ARHGAP21: variants seen among roughly 807,000 people sequenced by gnomAD.
ARHGAP21 encodes the protein Rho GTPase activating protein 21.
In ARHGAP21, 38 loss-of-function variants were observed where a neutral mutation model predicts 164.6. The ratio of observed to expected loss-of-function variants is 0.23; its 90% CI spans 0.18 to 0.30. The LOEUF is 0.30. Ranked by LOEUF, ARHGAP21 falls within the 10% of genes least tolerant of loss-of-function variation. ARHGAP21 has a pLI of 1.00. For synonymous variants in ARHGAP21, 766 were observed against 857.9 expected (o/e 0.89, Z 1.87); for missense variants, 1,822 against 2,370.7 (o/e 0.77, Z 4.81).
intron 4 of ARHGAP21, among the ~76,000 whole-genome samples, chr10:24,635,792 G>T (rs921129855): frequency 6.6e-6 from 1 of 152,052 alleles, no homozygotes; most frequent in Non-Finnish European, 1.5e-5. Flanking sequence ...TGATTCACCC[G>T]CCCTGGCCTC....
chr10:24,585,880 T>A lies in ARHGAP21; in HGVS notation c.4409A>T (p.Lys1470Met), dbSNP rs770150135. 3.7e-6 allele frequency: 6 copies of A among 1,613,924 alleles called. No individual in the cohort carries two copies. The Admixed American group carries it at 1.0e-4, about 27-fold the overall frequency. ...KESETLGRKQ[K>M]IIIAKENSTR... Reference sequence around the variant, plus strand: ...GCTGTTTTCTTTGGCAATGATGATCTTCTGTTTTCTGCCCAGTGTCTCACT... The same window carrying A: ...GCTGTTTTCTTTGGCAATGATGATCATCTGTTTTCTGCCCAGTGTCTCACT... Residue 1470 changes from lysine (K) to methionine (M), a missense_variant, in exon 26 of 26, where the codon AAG becomes ATG. Around this residue, in one of 5 missense-constraint regions of ARHGAP21, gnomAD observed 333 missense variants for 383.9 expected, o/e 0.87. Coordinates refer to ENST00000396432, the MANE Select transcript of ARHGAP21 (RefSeq NM_020824.4).
chr10:24,707,779 T>G (rs1196630988), intron 2 of ARHGAP21, among the ~76,000 whole-genome samples: 1 of 152,108 alleles, frequency 6.6e-6, no homozygotes, highest in Non-Finnish European at 1.5e-5. Context: ...CTTTTTCCAC[T>G]CCACCGGCAC....
At chr10:24,668,538 C>T (rs1384108307) in intron 3 of ARHGAP21, among the ~76,000 whole-genome samples, 1 of 152,198 alleles carries the variant, frequency 6.6e-6, no homozygotes, top group Non-Finnish European at 1.5e-5. Flanking sequence ...AGGCTCCAGC[C>T]ACCCTCAACT....
Position 24,595,803 on chromosome 10 carries a change from TAC to T in ARHGAP21, c.3634-10_3634-9del. ...ATTCAAATCTCGCCATTTCTAGGTG[TAC>T]AAAATAGAAATATAGTATTTTCATA... On this transcript the variant is annotated splice_polypyrimidine_tract_variant and intron_variant, in intron 18 of 25. Coordinates refer to ENST00000396432, the MANE Select transcript of ARHGAP21 (RefSeq NM_020824.4). 1 of 1,612,692 alleles carries T rather than the reference TAC, an allele frequency of 6.2e-7. No homozygotes were observed. Among genetic ancestry groups the T allele is most frequent in the Non-Finnish European group, 8.5e-7 (1 of 1,179,414 alleles).
In ARHGAP21 at chr10:24,699,375, C is replaced by T. The variant is rs188329914; in HGVS notation, c.63+22462G>A. Reference sequence around the variant, plus strand: ...GAGTCTCACTCGTCCCCCAGGCTGGCGTGCAATGGTGCGACCTTGGCTCAT... The same window carrying T: ...GAGTCTCACTCGTCCCCCAGGCTGGTGTGCAATGGTGCGACCTTGGCTCAT... On this transcript the variant is annotated intron_variant, in intron 2 of 25. Transcript: ENST00000396432. Among the ~76,000 whole-genome samples the T allele has an allele frequency of 3.9e-3, 589 of 151,958 alleles. 5 individuals carry two copies. Among genetic ancestry groups the T allele is most frequent in the Middle Eastern group, 6.8e-3 (2 of 294 alleles).
intron 4 of ARHGAP21, among the ~76,000 whole-genome samples, chr10:24,641,690 C>T (rs1837035728): frequency 6.6e-6 from 1 of 152,194 alleles, no homozygotes; most frequent in South Asian, 2.1e-4. Context: ...ACCCACACCT[C>T]TCTAGTTTTT....
intron 7 of ARHGAP21, chr10:24,629,494 C>A: frequency 6.5e-6 from 1 of 152,910 alleles, no homozygotes. Context: ...ATTTTAGGAA[C>A]GAATTGATAC....
chr10:24,621,264 G>C lies in ARHGAP21; in HGVS notation c.631C>G (p.Pro211Ala). ...TCAACTGGCTGTGCCATGGCTGATG[G>C]GGCAGATGGCAGCCAGGGATAGCAG... ...PICYPWLPSAPSAMAQPVEIS... is the reference protein window; with the variant it reads ...PICYPWLPSAASAMAQPVEIS... The change falls in exon 9 of 26, where the codon CCA becomes GCA. Residue 211 changes from proline to alanine, a missense_variant. By Grantham distance (27) the Pro-to-Ala change is conservative. Transcript: ENST00000396432. 1 of 1,613,872 alleles carries C rather than the reference G, an allele frequency of 6.2e-7. No individual in the cohort carries two copies. The highest frequency in any genetic ancestry group is 8.5e-7 in the Non-Finnish European group (1 of 1,179,828).
intron 21 of ARHGAP21, among the ~76,000 whole-genome samples, chr10:24,594,349 A>AGAAAAACTGAATGGGGCTGCGCATG (rs1426797043): frequency 2.0e-5 from 3 of 152,234 alleles, no homozygotes; most frequent in African/African-American, 7.2e-5. Flanking sequence ...TTTACAATCA[A>AGAAAAACTGAATGGGGCTGCGCATG]GAAAAACTGA....
intron 2 of ARHGAP21, among the ~76,000 whole-genome samples, chr10:24,672,522 T>A (rs1473276697): frequency 6.6e-6 from 1 of 152,194 alleles, no homozygotes; most frequent in Non-Finnish European, 1.5e-5. Flanking sequence ...TATTCCCAAA[T>A]CTGTATTTCT....
chr10:24,606,417 C>T (rs571489335), intron 11 of ARHGAP21, among the ~76,000 whole-genome samples: 15 of 151,976 alleles, frequency 9.9e-5, no homozygotes, highest in African/African-American at 3.1e-4. Flanking sequence ...CTTAAATATA[C>T]GAAATGGTGT....
rs564184965 is a variant in ARHGAP21, at chr10:24,607,960, AACTC to A, written c.2423-61_2423-58del. ...ATGACCTAATTGTTATTAATAATAAAACTCAGTCAATAATCATTATTAAGGGGGT... is the reference window on the plus strand; with the variant it reads ...ATGACCTAATTGTTATTAATAATAAAAGTCAATAATCATTATTAAGGGGGT... On this transcript the variant is annotated intron_variant, in intron 9 of 25. Transcript: ENST00000396432. 1,312 of 1,484,334 alleles carry A rather than the reference AACTC, an allele frequency of 8.8e-4. 5 individuals carry two copies. The highest frequency in any genetic ancestry group is 2.7e-3 in the Middle Eastern group (15 of 5,566). The allele number at this position is 1,484,334 out of a possible 1,614,324, so 91.9% of individuals were successfully genotyped here.
In ARHGAP21 at chr10:24,585,429, A is replaced by G. The variant is rs1143052; in HGVS notation, c.4860T>C (p.Asp1620=). Residue 1620 remains aspartate (D), a synonymous_variant, in exon 26 of 26, where the codon GAT becomes GAC. Transcript: ENST00000396432. ...CACTGATGAGTTCGCTTCTCTCGTC[A>G]TCTGCCTCGTCCCCCTTGCTCTCTG... ...SVAESKGDEA[D]DERSELISEG... 6.2e-7 allele frequency: 1 copy of G among 1,614,006 alleles called. No individual in the cohort carries two copies.
rs928748345 is a variant in ARHGAP21, at chr10:24,585,776, G to A, written c.4513C>T (p.Pro1505Ser). The A allele has an allele frequency of 5.6e-6, 9 of 1,613,878 alleles. No individual in the cohort carries two copies. The highest frequency in any genetic ancestry group is 7.6e-6 in the Non-Finnish European group (9 of 1,179,902). Reference sequence around the variant, plus strand: ...TTGTTGTGTTTTGAGTTGTGTGGTGGTGAGGGTTCTTCAGAAGGCGTGCTC... The same window carrying A: ...TTGTTGTGTTTTGAGTTGTGTGGTGATGAGGGTTCTTCAGAAGGCGTGCTC... ...KESTPSEEPS[P>S]PHNSKHNKSP... Residue 1505 changes from proline to serine, a missense_variant, in exon 26 of 26, where the codon CCA (proline) becomes TCA (serine). Physicochemically the swap from Pro to Ser is moderately conservative, Grantham distance 74. This residue lies in a region of ARHGAP21 where 333 missense variants were observed against 383.9 expected (regional missense o/e 0.87). Coordinates refer to ENST00000396432, the MANE Select transcript of ARHGAP21 (RefSeq NM_020824.4).
At chr10:24,682,606 TC>T (rs1234066611) in intron 2 of ARHGAP21, among the ~76,000 whole-genome samples, 2 of 152,172 alleles carry the variant, frequency 1.3e-5, no homozygotes, top group Non-Finnish European at 2.9e-5. Context: ...GAGAAAAGAC[TC>T]TTGAATACAG....
chr10:24,604,243 T>C, intron 12 of ARHGAP21, 69 bp downstream of exon 12: 1 of 1,038,176 alleles, frequency 9.6e-7, no homozygotes, highest in Non-Finnish European at 1.4e-6. Context: ...ATTAAATGTC[T>C]ACTGGGTAAA....
chr10:24,719,188 T>A (rs946054234), intron 2 of ARHGAP21, among the ~76,000 whole-genome samples: 1 of 151,472 alleles, frequency 6.6e-6, no homozygotes, highest in Non-Finnish European at 1.5e-5. Flanking sequence ...AAATACACCT[T>A]GAGATGTATA....
intron 2 of ARHGAP21, among the ~76,000 whole-genome samples, chr10:24,699,656 G>C (rs761595460): frequency 3.3e-5 from 5 of 151,944 alleles, no homozygotes; most frequent in African/African-American, 4.8e-5. Flanking sequence ...CTGATGACTA[G>C]AACACTACAT....
chr10:24,625,316 A>AC (rs1835029254), intron 7 of ARHGAP21, among the ~76,000 whole-genome samples: 17 of 151,090 alleles, frequency 1.1e-4, no homozygotes, highest in Non-Finnish European at 2.1e-4. Flanking sequence ...AAAAAAAAAA[A>AC]AAAAAAACCT....
Sources: allele counts gnomAD v4.1 joint callset (sites outside exome capture counted in the v4.1 genomes callset), GRCh38; gene constraint gnomAD v4.1.1; regional missense constraint gnomAD v4.1.1; transcripts MANE v1.5; gene names NCBI Gene and HGNC (gene_info 2026-07-23, HGNC 2026-07-21).